Variants in GPRIN3 observed in about 807,000 individuals in gnomAD.
The protein encoded by GPRIN3 is GPRIN family member 3, also known as G protein-regulated inducer of neurite outgrowth 3.
Under a neutral mutation model 13.7 loss-of-function variants are expected in GPRIN3, and 12 were observed. The observed-to-expected ratio is 0.87, with a 90% confidence interval of 0.56 to 1.42. The LOEUF is 1.42. Ranked by LOEUF, GPRIN3 falls within the 40% of genes most tolerant of loss-of-function variation. The probability of loss-of-function intolerance (pLI) is 0.00; values close to 1 mark genes in which losing one functional copy is unlikely to be tolerated. For missense variants in GPRIN3, 1,009 were observed against 958.7 expected (o/e 1.05, Z -0.69); for synonymous variants, 377 against 372.7 (o/e 1.01, Z -0.13).
chr4:89,250,361 A>G lies in GPRIN3; in HGVS notation c.-123-128T>C, dbSNP rs116245721. Reference sequence around the variant, plus strand: ...CCCATACCTGTTGATATAAAAATAGACCTTGTGGGGAGGGAGAAGAAAAAT... The same window carrying G: ...CCCATACCTGTTGATATAAAAATAGGCCTTGTGGGGAGGGAGAAGAAAAAT... On this transcript the variant is annotated intron_variant, in intron 1 of 1. Coordinates refer to ENST00000609438, the MANE Select transcript of GPRIN3 (RefSeq NM_198281.3). The G allele has an allele frequency of 3.1e-3, 1,337 of 436,998 alleles. 15 individuals are homozygous for G. The highest frequency in any genetic ancestry group is 0.025 in the African/African-American group (1,201 of 49,014). 27.1% of individuals were successfully genotyped at this position (436,998 alleles called of 1,614,324 possible). A position where few individuals can be genotyped will look rare whatever the true frequency, so the allele number is the denominator to read the frequency against.
At chr4:89,288,596 T>G (rs758042633) in intron 1 of GPRIN3, among the ~76,000 whole-genome samples, 1 of 152,184 alleles carries the variant, frequency 6.6e-6, no homozygotes, top group Non-Finnish European at 1.5e-5. Context: ...TGTTTTTCCA[T>G]GCAGGGCACT....
Position 89,249,272 on chromosome 4 carries a change from C to T in GPRIN3, c.839G>A (p.Gly280Asp). The change falls in exon 2 of 2, where the codon GGT (glycine) becomes GAT (aspartate). Residue 280 changes from glycine (G) to aspartate (D), a missense_variant. Coordinates refer to ENST00000609438, the MANE Select transcript of GPRIN3 (RefSeq NM_198281.3). ...LTSEPSACPP[G>D]PEKVPLPAQR... Reference sequence around the variant, plus strand: ...TGCTGGCAGCGGCACCTTCTCTGGACCTGGGGGACATGCCGAAGGTTCGCT... The same window carrying T: ...TGCTGGCAGCGGCACCTTCTCTGGATCTGGGGGACATGCCGAAGGTTCGCT... The T allele has an allele frequency of 6.2e-7, 1 of 1,614,064 alleles. No individual in the cohort carries two copies.
rs1181717168 is a variant in GPRIN3 at position 89,241,131 on chromosome 4, A to G, written c.*6649T>C. ...TGGCATGGTTACTTAGCCCTGGCAT[A>G]TTTAATAATATGCCAATGTACTGAT... On this transcript the variant is annotated 3_prime_UTR_variant, in exon 2 of 2. Transcript: ENST00000609438. 1 of 152,158 alleles carries G rather than the reference A, an allele frequency of 6.6e-6. No individual in the cohort carries two copies. The highest frequency in any genetic ancestry group is 2.4e-5 in the African/African-American group (1 of 41,434). 9.4% of individuals were successfully genotyped at this position (152,158 alleles called of 1,614,324 possible).
chr4:89,298,576 C>T (rs1200057607), intron 1 of GPRIN3, among the ~76,000 whole-genome samples: 1 of 151,888 alleles, frequency 6.6e-6, no homozygotes, highest in Non-Finnish European at 1.5e-5. Context: ...AGCTTATTCC[C>T]GTTGTCTGGG....
chr4:89,292,508 G>GAATTAC (rs1301117583), intron 1 of GPRIN3, among the ~76,000 whole-genome samples: 1 of 152,130 alleles, frequency 6.6e-6, no homozygotes, highest in African/African-American at 2.4e-5. Flanking sequence ...GAAGAAATTG[G>GAATTAC]AATTACAGAG....
In GPRIN3 at chr4:89,249,218, G is replaced by A; in HGVS notation, c.893C>T (p.Ala298Val). ...TTCAGCTTGGTTGGTCATCGTACTG[G>A]CTTCTTTGAACCTTGACATCTGACG... Reference protein sequence around the residue: ...AQRQMSRFKEASTMTNQAESE... With the variant: ...AQRQMSRFKEVSTMTNQAESE... The change falls in exon 2 of 2, where the codon GCC becomes GTC. Residue 298 changes from alanine (A) to valine (V), a missense_variant. By Grantham distance (64) the Ala-to-Val change is moderately conservative (BLOSUM62 0). Coordinates refer to ENST00000609438, the MANE Select transcript of GPRIN3 (RefSeq NM_198281.3). 6.2e-7 allele frequency: 1 copy of A among 1,614,126 alleles called. No homozygotes were observed. Among genetic ancestry groups the A allele is most frequent in the Admixed American group, 1.7e-5 (1 of 60,028 alleles).
At chr4:89,251,884 G>A (rs988751258) in intron 1 of GPRIN3, among the ~76,000 whole-genome samples, 11 of 152,086 alleles carry the variant, frequency 7.2e-5, no homozygotes, top group Admixed American at 6.5e-5. Context: ...GGAGATGAAA[G>A]TACCCAAAGG....
intron 1 of GPRIN3, among the ~76,000 whole-genome samples, chr4:89,284,239 T>C (rs1215213924): frequency 6.6e-6 from 1 of 152,090 alleles, no homozygotes. Context: ...CTAAAGCAAA[T>C]GAACGGCATG....
intron 1 of GPRIN3, among the ~76,000 whole-genome samples, chr4:89,288,846 G>C (rs1724495276): frequency 1.3e-5 from 2 of 152,090 alleles, no homozygotes; most frequent in Non-Finnish European, 2.9e-5. Context: ...CTGTGTATAA[G>C]AGATGGCACT....
chr4:89,255,885 G>C (rs1219609152), intron 1 of GPRIN3, among the ~76,000 whole-genome samples: 1 of 152,200 alleles, frequency 6.6e-6, no homozygotes, highest in East Asian at 1.9e-4. Flanking sequence ...TCACACAGAA[G>C]CTAATGGTAC....
chr4:89,250,026 G>C lies in GPRIN3; in HGVS notation c.85C>G (p.Gln29Glu). 6.2e-7 allele frequency: 1 copy of C among 1,614,216 alleles called. No homozygotes were observed. The highest frequency in any genetic ancestry group is 8.5e-7 in the Non-Finnish European group (1 of 1,180,012). Residue 29 changes from glutamine (Q) to glutamate (E), a missense_variant, in exon 2 of 2, where the codon CAG becomes GAG. Coordinates refer to ENST00000609438, the MANE Select transcript of GPRIN3 (RefSeq NM_198281.3). Reference protein sequence around the residue: ...SGKEDDLGEPQAASPRHRPAL... With the variant: ...SGKEDDLGEPEAASPRHRPAL... ...GGTCGATGCCGAGGTGAGGCAGCCT[G>C]TGGCTCTCCTAGATCGTCTTCTTTT...
At position 89,294,689 on chromosome 4, in the gene GPRIN3, A is replaced by G. The variant is rs1371846813; in HGVS notation, c.-124+12926T>C. 2.0e-5 allele frequency among the ~76,000 whole-genome samples: 3 copies of G among 152,172 alleles called. No individual in the cohort carries two copies. In the East Asian group the frequency reaches 5.8e-4, roughly 29 times the overall value. The stretch of plus-strand genomic sequence containing the variant: ...AGCAGGGTATGAGCAAACAACCACA[A>G]CCAACTACATCCTCTGATGCTTTTC... On this transcript the variant is annotated intron_variant, in intron 1 of 1. Transcript: ENST00000609438.
At chr4:89,282,367 T>C (rs1322701075) in intron 1 of GPRIN3, among the ~76,000 whole-genome samples, 4 of 152,164 alleles carry the variant, frequency 2.6e-5, no homozygotes, top group Non-Finnish European at 5.9e-5. Context: ...GTCAGGAATG[T>C]TTCCAACATG....
chr4:89,299,898 C>A lies in GPRIN3; in HGVS notation c.-124+7717G>T, dbSNP rs185856690. 3.6e-3 allele frequency among the ~76,000 whole-genome samples: 546 copies of A among 152,108 alleles called. 22 individuals are homozygous for A. The South Asian group carries it at 0.078, about 22-fold the overall frequency. On this transcript the variant is annotated intron_variant, in intron 1 of 1. Coordinates refer to ENST00000609438, the MANE Select transcript of GPRIN3 (RefSeq NM_198281.3). ...TGCATTTAAAAATACATAAAGCAAT[C>A]CAATGTGAGATCTCAGTCATTGGTC...
At position 89,246,143 on chromosome 4, in the gene GPRIN3, T is replaced by C. The variant is rs1431553; in HGVS notation, c.*1637A>G. ...CAGAATGTGCAGAACAGAATTAAAGTGAAAAAAGCCAGAACAGATACTGTG... is the reference window on the plus strand; with the variant it reads ...CAGAATGTGCAGAACAGAATTAAAGCGAAAAAAGCCAGAACAGATACTGTG... On this transcript the variant is annotated 3_prime_UTR_variant, in exon 2 of 2. Transcript: ENST00000609438. 0.41 allele frequency: 62,897 copies of C among 151,954 alleles called. 13,356 individuals are homozygous for C. The highest frequency in any genetic ancestry group is 0.56 in the South Asian group (2,707 of 4,826). 9.4% of individuals were successfully genotyped at this position (151,954 alleles called of 1,614,324 possible).
chr4:89,279,299 T>C (rs1724179020), intron 1 of GPRIN3, among the ~76,000 whole-genome samples: 1 of 152,188 alleles, frequency 6.6e-6, no homozygotes. Flanking sequence ...TTGGAAGAGA[T>C]GTCCCAACTT....
intron 1 of GPRIN3, among the ~76,000 whole-genome samples, chr4:89,294,873 A>G: frequency 6.6e-6 from 1 of 152,220 alleles, no homozygotes; most frequent in Non-Finnish European, 1.5e-5. Context: ...GCTTTAAAAC[A>G]TCTTAACAAA....
chr4:89,294,640 G>GT (rs1425632601), intron 1 of GPRIN3, among the ~76,000 whole-genome samples: 1 of 152,042 alleles, frequency 6.6e-6, no homozygotes, highest in African/African-American at 2.4e-5. Flanking sequence ...TCAGCTTCCT[G>GT]TTTTTTACAA....
chr4:89,269,039 G>A (rs1159309638), intron 1 of GPRIN3, among the ~76,000 whole-genome samples: 3 of 152,142 alleles, frequency 2.0e-5, no homozygotes, highest in African/African-American at 7.2e-5. Flanking sequence ...TGATATGCAT[G>A]GCTATGAAGG....
Sources: allele counts gnomAD v4.1 joint callset (sites outside exome capture counted in the v4.1 genomes callset), GRCh38; gene constraint gnomAD v4.1.1; transcripts MANE v1.5; gene names NCBI Gene and HGNC (gene_info 2026-07-23, HGNC 2026-07-21).